MAJIN: variants seen among roughly 807,000 people sequenced by gnomAD.
The protein encoded by MAJIN is membrane-anchored junction protein.
MAJIN carries 27 observed loss-of-function variants against 30.2 expected under a neutral mutation model. The observed-to-expected ratio is 0.89, with a 90% confidence interval of 0.66 to 1.23. MAJIN has a LOEUF of 1.23. MAJIN is among the 50% of genes most tolerant of loss of function. MAJIN has a pLI of 0.00. For synonymous variants in MAJIN, 78 were observed against 91.6 expected (o/e 0.85, Z 0.85); for missense variants, 253 against 260.3 (o/e 0.97, Z 0.19).
chr11:64,939,867 A>C, intron 9 of MAJIN, 100 bp from the exon 10 acceptor site: 20 of 991,858 alleles, frequency 2.0e-5, no homozygotes, highest in African/African-American at 3.3e-5. Flanking sequence ...AGGCAGTCTC[A>C]CGCCAAGAGT....
intron 4 of MAJIN, among the ~76,000 whole-genome samples, chr11:64,951,183 T>C (rs1945545644): frequency 6.6e-6 from 1 of 152,198 alleles, no homozygotes; most frequent in African/African-American, 2.4e-5. Context: ...GTGTCTACCA[T>C]CATGAATAAT....
At chr11:64,962,960 C>T (rs113375987) in intron 1 of MAJIN, among the ~76,000 whole-genome samples, 4,211 of 152,086 alleles carry the variant, frequency 0.028, 202 homozygotes, top group African/African-American at 0.096. Context: ...AACCCCGCCT[C>T]TACTAAAAAT....
chr11:64,962,610 G>T (rs1044981132), intron 1 of MAJIN, among the ~76,000 whole-genome samples: 2 of 152,170 alleles, frequency 1.3e-5, no homozygotes, highest in Non-Finnish European at 2.9e-5. Flanking sequence ...ACCAAGGCTT[G>T]AGTCCTGCTT....
At position 64,947,810 on chromosome 11, in the gene MAJIN, A is replaced by T. The variant is rs751010863; in HGVS notation, c.359T>A (p.Ile120Lys). 3.1e-6 allele frequency: 5 copies of T among 1,602,322 alleles called. No homozygotes were observed. In the South Asian group the frequency reaches 5.5e-5, roughly 18 times the overall value. Residue 120 changes from isoleucine (I) to lysine (K), a missense_variant, in exon 7 of 11, where the codon ATA becomes AAA. Ile to Lys is a moderately radical substitution (Grantham distance 102). Coordinates refer to ENST00000301896, the MANE Select transcript of MAJIN (RefSeq NM_001037225.3). ...FHENLSPGKP[I>K]SDSPLGLVPV... The stretch of plus-strand genomic sequence containing the variant: ...TACCAACCCAAGAGGACTGTCACTT[A>T]TTGGTTTCCCTACAATAGGAAATTT...
chr11:64,959,229 A>C (rs602404), intron 3 of MAJIN, 76 bp downstream of exon 3: 657,887 of 1,196,460 alleles, frequency 0.55, 193,923 homozygotes, highest in Non-Finnish European at 0.63. Flanking sequence ...GGTGAAGGTA[A>C]AGAAGAGGTG....
chr11:64,965,318 TA>T (rs1333047656), intron 1 of MAJIN, among the ~76,000 whole-genome samples: 1 of 152,034 alleles, frequency 6.6e-6, no homozygotes, highest in Non-Finnish European at 1.5e-5. Flanking sequence ...TGTTTGGGGG[TA>T]GGGGGGATAA....
Position 64,947,290 on chromosome 11 carries a change from C to T in MAJIN, c.473+84G>A, listed in dbSNP as rs1465550226. 9 of 1,223,096 alleles carry T rather than the reference C, an allele frequency of 7.4e-6. No homozygotes were observed. The East Asian group carries it at 2.2e-4, about 30-fold the overall frequency. 75.8% of individuals were successfully genotyped at this position (1,223,096 alleles called of 1,614,324 possible). On this transcript the variant is annotated intron_variant, in intron 8 of 10. Coordinates refer to ENST00000301896, the MANE Select transcript of MAJIN (RefSeq NM_001037225.3). ...AAGTCCTGCAAAAGAAAGTGACTCG[C>T]CCAAGGACAGGATCAACCAACAGTA... is the stretch of plus-strand genomic sequence containing the variant.
intron 8 of MAJIN, among the ~76,000 whole-genome samples, chr11:64,945,680 T>C (rs1310388523): frequency 6.6e-6 from 1 of 151,666 alleles, no homozygotes; most frequent in Non-Finnish European, 1.5e-5. Context: ...GGATTACAGG[T>C]GCCCACCACC....
chr11:64,962,710 C>T (rs892150161), intron 1 of MAJIN, among the ~76,000 whole-genome samples: 11 of 152,106 alleles, frequency 7.2e-5, no homozygotes, highest in Non-Finnish European at 1.6e-4. Context: ...TCCAACGACC[C>T]CTGGAATGTG....
At position 64,949,797 on chromosome 11, in the gene MAJIN, A is replaced by G. The variant is rs1945520751; in HGVS notation, c.295T>C (p.Phe99Leu). 2.5e-6 allele frequency: 4 copies of G among 1,611,894 alleles called. No individual in the cohort carries two copies. Among genetic ancestry groups the G allele is most frequent in the Non-Finnish European group, 3.4e-6 (4 of 1,179,488 alleles). The change falls in exon 6 of 11, where the codon TTT (phenylalanine) becomes CTT (leucine). Residue 99 changes from phenylalanine (F) to leucine (L), a missense_variant. Physicochemically the swap from Phe to Leu is conservative, Grantham distance 22. Coordinates refer to ENST00000301896, the MANE Select transcript of MAJIN (RefSeq NM_001037225.3). ...HGEIILIPYP[F>L]VFTLYVEMKW... ...ATCTCCACATATAGAGTAAAAACAAATGGGTAGGGGATCAAGATAATTTCC... is the reference window on the plus strand; with the variant it reads ...ATCTCCACATATAGAGTAAAAACAAGTGGGTAGGGGATCAAGATAATTTCC...
chr11:64,944,958 A>G lies in MAJIN; in HGVS notation c.473+2416T>C, dbSNP rs893518194. Among the ~76,000 whole-genome samples the G allele has an allele frequency of 5.9e-5, 9 of 152,334 alleles. No individual in the cohort carries two copies. The East Asian group carries it at 1.7e-3, about 29-fold the overall frequency. On this transcript the variant is annotated intron_variant, in intron 8 of 10. Transcript: ENST00000301896. ...ATATGAATATCTAAATGGGAAACAT[A>G]CCCCATAAATGAAATCTAATTCCAT...
At chr11:64,954,887 T>G (rs538614223) in intron 3 of MAJIN, 85 bp from the exon 4 acceptor site, 2 of 1,152,990 alleles carry the variant, frequency 1.7e-6, no homozygotes, top group Non-Finnish European at 2.5e-6. Flanking sequence ...AAATAACACT[T>G]CCACTGAGCT....
intron 1 of MAJIN, among the ~76,000 whole-genome samples, chr11:64,962,667 C>T (rs1370008566): frequency 2.6e-5 from 4 of 152,232 alleles, no homozygotes; most frequent in African/African-American, 9.6e-5. Flanking sequence ...TTAACTTCTT[C>T]ATTTCCTAGT....
intron 1 of MAJIN, among the ~76,000 whole-genome samples, chr11:64,962,728 A>C (rs1009307154): frequency 3.3e-5 from 5 of 152,186 alleles, no homozygotes; most frequent in Non-Finnish European, 7.3e-5. Flanking sequence ...GTGGGGATTA[A>C]ATGAGATAAT....
chr11:64,942,057 C>T (rs1323455676), intron 8 of MAJIN, among the ~76,000 whole-genome samples: 4 of 152,096 alleles, frequency 2.6e-5, no homozygotes, highest in African/African-American at 9.7e-5. Context: ...AACCTGATTC[C>T]AGGCCCACAA....
chr11:64,947,513 C>T, intron 7 of MAJIN, 48 bp from the exon 8 acceptor site: 2 of 1,566,788 alleles, frequency 1.3e-6, no homozygotes, highest in Non-Finnish European at 1.8e-6. Flanking sequence ...CAGAGTTGCT[C>T]ACAGTTCATG....
chr11:64,956,436 C>T (rs1168881050), intron 3 of MAJIN, among the ~76,000 whole-genome samples: 1 of 151,966 alleles, frequency 6.6e-6, no homozygotes, highest in African/African-American at 2.4e-5. Flanking sequence ...TTGCAGTGAG[C>T]CAAGATCGCA....
chr11:64,965,813 AG>A (rs1945797976), intron 1 of MAJIN, among the ~76,000 whole-genome samples: 1 of 152,026 alleles, frequency 6.6e-6, no homozygotes, highest in Admixed American at 6.6e-5. Flanking sequence ...AAAATTAGCC[AG>A]GCGTGGTGGC....
chr11:64,954,969 G>A (rs1030404378), intron 3 of MAJIN, among the ~76,000 whole-genome samples, 167 bp from the exon 4 acceptor site: 1 of 152,210 alleles, frequency 6.6e-6, no homozygotes, highest in African/African-American at 2.4e-5. Context: ...TCACCTAGGT[G>A]GCGTGGTCTG....
Sources: allele counts gnomAD v4.1 joint callset (sites outside exome capture counted in the v4.1 genomes callset), GRCh38; gene constraint gnomAD v4.1.1; transcripts MANE v1.5; gene names NCBI Gene and HGNC (gene_info 2026-07-23, HGNC 2026-07-21).